The following NPAS3 variants were observed in gnomAD, a reference collection of about 807,000 sequenced individuals.
NPAS3 encodes neuronal PAS domain-containing protein 3.
Under a neutral mutation model 73.1 loss-of-function variants are expected in NPAS3, and 14 were observed. The ratio of observed to expected loss-of-function variants is 0.19; its 90% CI spans 0.13 to 0.30. NPAS3 has a LOEUF of 0.30. Among genes scored for constraint, NPAS3 ranks in the 10% least tolerant of loss-of-function variants. NPAS3 has a pLI of 1.00. For synonymous variants in NPAS3, 620 were observed against 541.5 expected (o/e 1.14, Z -2.01); for missense variants, 1,096 against 1,250.0 (o/e 0.88, Z 1.86).
At chr14:32,976,536 G>T (rs1249190838) in intron 1 of NPAS3, among the ~76,000 whole-genome samples, 1 of 152,178 alleles carries the variant, frequency 6.6e-6, no homozygotes, top group Non-Finnish European at 1.5e-5. Context: ...ATGTCTTACT[G>T]ATAGCGGTGC....
At chr14:33,464,878 C>G (rs569831779) in intron 4 of NPAS3, among the ~76,000 whole-genome samples, 2 of 152,150 alleles carry the variant, frequency 1.3e-5, no homozygotes, top group Admixed American at 1.3e-4. Context: ...CCTGGACCCC[C>G]ACACCTGTGA....
rs10567527 is a variant in NPAS3 at position 33,789,583 on chromosome 14, C to CTTTTTTTTTTTTTTTTT, written c.1154-4307_1154-4291dup. Reference sequence around the variant, plus strand: ...ACTAAAAGTAATTACTAGAGTACAACTTTTTTTTTTTTTTTTTTTTTTTGA... The same window carrying CTTTTTTTTTTTTTTTTT: ...ACTAAAAGTAATTACTAGAGTACAACTTTTTTTTTTTTTTTTTTTTTTTTTTTTTTTTTTTTTTTTGA... On this transcript the variant is annotated intron_variant, in intron 9 of 11. Coordinates refer to ENST00000356141, the Ensembl canonical transcript of NPAS3. Among the ~76,000 whole-genome samples, 17 of 92,398 alleles carry CTTTTTTTTTTTTTTTTT rather than the reference C, an allele frequency of 1.8e-4. 3 individuals carry two copies. The highest frequency in any genetic ancestry group is 3.0e-4 in the African/African-American group (7 of 23,052). 60.6% of individuals were successfully genotyped at this position (92,398 alleles called of 152,430 possible).
intron 1 of NPAS3, among the ~76,000 whole-genome samples, chr14:33,010,208 A>G (rs868667634): frequency 2.6e-5 from 4 of 152,222 alleles, no homozygotes; most frequent in Non-Finnish European, 4.4e-5. Flanking sequence ...GAGATGTTGT[A>G]TAGTTAGCAT....
intron 2 of NPAS3, among the ~76,000 whole-genome samples, chr14:33,098,820 C>G (rs779841825): frequency 2.0e-5 from 3 of 152,142 alleles, no homozygotes; most frequent in Non-Finnish European, 4.4e-5. Flanking sequence ...AATGATCTCC[C>G]ATTTTCCTTA....
chr14:33,532,607 G>T (rs960825148), intron 4 of NPAS3, among the ~76,000 whole-genome samples: 1 of 152,102 alleles, frequency 6.6e-6, no homozygotes, highest in Non-Finnish European at 1.5e-5. Context: ...GACTCTGGAA[G>T]TTCTCTCTTT....
chr14:33,112,501 A>C (rs2042928380), intron 2 of NPAS3, among the ~76,000 whole-genome samples: 1 of 152,140 alleles, frequency 6.6e-6, no homozygotes, highest in African/African-American at 2.4e-5. Context: ...TCCTTCGCCC[A>C]GTTTTTGATG....
intron 3 of NPAS3, among the ~76,000 whole-genome samples, chr14:33,257,435 A>G (rs2048821047): frequency 6.6e-6 from 1 of 152,144 alleles, no homozygotes; most frequent in Non-Finnish European, 1.5e-5. Context: ...TAGCATTTAA[A>G]AAGCTCTTTA....
At chr14:33,539,481 C>A (rs2054409486) in intron 4 of NPAS3, among the ~76,000 whole-genome samples, 3 of 152,092 alleles carry the variant, frequency 2.0e-5, no homozygotes, top group African/African-American at 7.2e-5. Context: ...GTATACCAAG[C>A]AGAGGTAGTG....
At chr14:33,113,345 G>A (rs2042957487) in intron 2 of NPAS3, among the ~76,000 whole-genome samples, 1 of 152,054 alleles carries the variant, frequency 6.6e-6, no homozygotes, top group South Asian at 2.1e-4. Flanking sequence ...TTATTTCGTT[G>A]AGCAGTGGTT....
At chr14:33,442,540 G>A (rs1295346894) in intron 4 of NPAS3, among the ~76,000 whole-genome samples, 1 of 152,260 alleles carries the variant, frequency 6.6e-6, no homozygotes, top group African/African-American at 2.4e-5. Flanking sequence ...AATCATGAGG[G>A]TGGTTCCCCC....
intron 7 of NPAS3, among the ~76,000 whole-genome samples, chr14:33,745,817 A>G (rs1339785574): frequency 6.6e-6 from 1 of 152,232 alleles, no homozygotes; most frequent in African/African-American, 2.4e-5. Flanking sequence ...TGATTTGATT[A>G]TAAGGGACAA....
chr14:33,359,691 G>A (rs1001869264), intron 3 of NPAS3, among the ~76,000 whole-genome samples: 4 of 152,134 alleles, frequency 2.6e-5, no homozygotes, highest in East Asian at 3.8e-4. Context: ...TGTATTTGTA[G>A]GGAAGATAAT....
chr14:33,576,130 C>T (rs921116441), intron 5 of NPAS3, among the ~76,000 whole-genome samples: 4 of 152,144 alleles, frequency 2.6e-5, no homozygotes, highest in African/African-American at 9.7e-5. Context: ...AAATGCCATC[C>T]ATGTCTGTTT....
At chr14:33,238,485 G>C (rs2048113547) in intron 3 of NPAS3, among the ~76,000 whole-genome samples, 1 of 151,920 alleles carries the variant, frequency 6.6e-6, no homozygotes, top group African/African-American at 2.4e-5. Context: ...TCATGGATCA[G>C]GAAGATGAAT....
At chr14:33,480,194 G>A (rs1287496509) in intron 4 of NPAS3, among the ~76,000 whole-genome samples, 9 of 152,148 alleles carry the variant, frequency 5.9e-5, no homozygotes, top group Admixed American at 6.5e-5. Flanking sequence ...TCAACACTTC[G>A]TAACTTTATG....
In NPAS3 at chr14:33,531,569, G is replaced by A. The variant is rs150033347; in HGVS notation, c.469-28552G>A. ...TGTACAGCTGTACCACAGTTTTTCT[G>A]TTCAACCATTGAAGGACATTTGGGT... On this transcript the variant is annotated intron_variant, in intron 4 of 11. Coordinates refer to ENST00000356141, the Ensembl canonical transcript of NPAS3. 3.6e-3 allele frequency among the ~76,000 whole-genome samples: 549 copies of A among 152,138 alleles called. 5 individuals carry two copies. The highest frequency in any genetic ancestry group is 0.012 in the African/African-American group (494 of 41,534).
intron 4 of NPAS3, among the ~76,000 whole-genome samples, chr14:33,551,406 G>T (rs1279385445): frequency 6.6e-6 from 1 of 152,154 alleles, no homozygotes; most frequent in Non-Finnish European, 1.5e-5. Context: ...CCACTGCCCA[G>T]TAAACAGTCA....
At chr14:33,363,981 T>A (rs1183536503) in intron 3 of NPAS3, among the ~76,000 whole-genome samples, 1 of 151,816 alleles carries the variant, frequency 6.6e-6, no homozygotes, top group Non-Finnish European at 1.5e-5. Flanking sequence ...ATTTTGTTAG[T>A]GTTCTTTAAA....
chr14:33,367,631 A>T (rs2045902466), intron 4 of NPAS3, among the ~76,000 whole-genome samples: 1 of 151,548 alleles, frequency 6.6e-6, no homozygotes, highest in South Asian at 2.1e-4. Flanking sequence ...TGGAAGAGCA[A>T]AGTTTTGTTG....
Sources: gnomAD v4.1 joint callset for allele counts (sites outside exome capture counted in the v4.1 genomes callset) on GRCh38, gnomAD v4.1.1 for gene constraint, MANE v1.5 for transcripts, NCBI Gene and HGNC (gene_info 2026-07-23, HGNC 2026-07-21) for gene names.